The following MYT1 variants were observed in gnomAD, a reference collection of about 807,000 sequenced individuals.
MYT1 encodes myelin transcription factor 1.
Under a neutral mutation model 123.0 loss-of-function variants are expected in MYT1, and 23 were observed. The observed-to-expected ratio is 0.19, with a 90% CI of 0.13 to 0.26. MYT1 has a LOEUF of 0.26. Among genes scored for constraint, MYT1 ranks in the 10% least tolerant of loss-of-function variants. The pLI, the probability that MYT1 is intolerant of heterozygous loss-of-function variation, is 1.00. For missense variants in MYT1, 1,125 were observed against 1,472.5 expected, an observed-to-expected ratio of 0.76 and a Z score of 3.86; for synonymous variants, 518 against 575.3, an observed-to-expected ratio of 0.90 and a Z score of 1.43.
intron 7 of MYT1, among the ~76,000 whole-genome samples, chr20:64,210,189 C>G (rs888890328): frequency 1.4e-4 from 21 of 152,234 alleles, no homozygotes; most frequent in African/African-American, 5.1e-4. Flanking sequence ...AGATGCAAGG[C>G]ATCCTGCCTT....
At chr20:64,194,905 A>AT (rs1014869703) in intron 2 of MYT1, among the ~76,000 whole-genome samples, 12 of 151,662 alleles carry the variant, frequency 7.9e-5, no homozygotes, top group South Asian at 2.1e-4. Flanking sequence ...TTCATTTTTT[A>AT]TTTTTTTTGA....
chr20:64,217,900 G>C (rs1280165017), intron 11 of MYT1, among the ~76,000 whole-genome samples: 1 of 152,238 alleles, frequency 6.6e-6, no homozygotes, highest in African/African-American at 2.4e-5. Context: ...TTTCTGTCTT[G>C]TCTTGTCACT....
intron 8 of MYT1, 78 bp downstream of exon 8, chr20:64,211,418 G>C: frequency 4.8e-6 from 7 of 1,453,590 alleles, no homozygotes; most frequent in Non-Finnish European, 6.6e-6. Context: ...TGTCTATGGG[G>C]AGGCGTGGCC....
At chr20:64,177,624 C>CA (rs1982504233) in intron 1 of MYT1, among the ~76,000 whole-genome samples, 6 of 138,314 alleles carry the variant, frequency 4.3e-5, no homozygotes, top group African/African-American at 1.7e-4. Context: ...CACCCCTCTC[C>CA]GGGGGCGGGG....
rs193004319 is a variant in MYT1, at chr20:64,213,277, T to C, written c.1518-257T>C. On this transcript the variant is annotated intron_variant, in intron 9 of 22. Coordinates refer to ENST00000328439, the MANE Select transcript of MYT1 (RefSeq NM_004535.3). This position sits in a 1 kb window ranked among gnomAD's most constrained non-coding sequence, Gnocchi z 5.6. Reference sequence around the variant, plus strand: ...GCCTTTAGGATATATTTCATCTTTGTGTGTCCTTGGCATAGAATGTTCCAA... The same window carrying C: ...GCCTTTAGGATATATTTCATCTTTGCGTGTCCTTGGCATAGAATGTTCCAA... Among the ~76,000 whole-genome samples the C allele has an allele frequency of 6.6e-6, 1 of 152,316 alleles. No individual in the cohort carries two copies. Among genetic ancestry groups the C allele is most frequent in the Non-Finnish European group, 1.5e-5 (1 of 68,026 alleles).
chr20:64,218,647 G>A lies in MYT1; in HGVS notation c.1847-264G>A, dbSNP rs1256827267. 1.3e-5 allele frequency among the ~76,000 whole-genome samples: 2 copies of A among 152,200 alleles called. No homozygotes were observed. The highest frequency in any genetic ancestry group is 4.8e-5 in the African/African-American group (2 of 41,434). On this transcript the variant is annotated intron_variant, in intron 11 of 22. Coordinates refer to ENST00000328439, the MANE Select transcript of MYT1 (RefSeq NM_004535.3). This position sits in a 1 kb window ranked among gnomAD's most constrained non-coding sequence, Gnocchi z 4.0. ...TCTCCTCAGTCCCCTAGAGGAGGGT[G>A]GGTGGGAGTGAGGTGTGTGAGGACT...
chr20:64,173,410 A>G (rs1204795760), intron 1 of MYT1, among the ~76,000 whole-genome samples: 1 of 152,020 alleles, frequency 6.6e-6, no homozygotes, highest in African/African-American at 2.4e-5. Context: ...TGGTCAGGGG[A>G]GCAGGAGGGA....
At chr20:64,180,680 T>C (rs1982628250) in intron 1 of MYT1, among the ~76,000 whole-genome samples, 1 of 152,266 alleles carries the variant, frequency 6.6e-6, no homozygotes, top group Non-Finnish European at 1.5e-5. Context: ...AATGGGCTGA[T>C]TGGCCTCCCT....
At chr20:64,176,494 A>C (rs1341536075) in intron 1 of MYT1, among the ~76,000 whole-genome samples, 1 of 151,184 alleles carries the variant, frequency 6.6e-6, no homozygotes, top group South Asian at 2.1e-4. Flanking sequence ...CTCCTCTTCT[A>C]GCATCTTTCC....
At position 64,186,865 on chromosome 20, in the gene MYT1, G is replaced by T. The variant is rs1374874577; in HGVS notation, c.-98-3198G>T. On this transcript the variant is annotated intron_variant, in intron 1 of 22. Transcript: ENST00000328439. This position sits in a 1 kb window ranked among gnomAD's most constrained non-coding sequence, Gnocchi z 4.3. ...GAGTTTCCTGTAGCACGTGGCTCCG[G>T]CATCCACGTTTCCGTGGAGACTTTT... Among the ~76,000 whole-genome samples, 2 of 149,938 alleles carry T rather than the reference G, an allele frequency of 1.3e-5. No homozygotes were observed. Among genetic ancestry groups the T allele is most frequent in the Non-Finnish European group, 3.0e-5 (2 of 67,680 alleles).
rs6090080 is a variant in MYT1 at position 64,231,079 on chromosome 20, C to T, written c.2676-1085C>T. Among the ~76,000 whole-genome samples, 6,440 of 150,930 alleles carry T rather than the reference C, an allele frequency of 0.043. 500 individuals carry two copies. The highest frequency in any genetic ancestry group is 0.15 in the African/African-American group (6,015 of 40,754). ...CTACCGTCCTCCCGAGCGCTTCCTGCGCTGACAGTGACTTCCCTGTATGCC... is the reference window on the plus strand; with the variant it reads ...CTACCGTCCTCCCGAGCGCTTCCTGTGCTGACAGTGACTTCCCTGTATGCC... On this transcript the variant is annotated intron_variant, in intron 18 of 22. Transcript: ENST00000328439. This position sits in a 1 kb window ranked among gnomAD's most constrained non-coding sequence, Gnocchi z 6.4.
chr20:64,205,203 C>T (rs1420418426), intron 5 of MYT1, 106 bp downstream of exon 5: 2 of 1,359,128 alleles, frequency 1.5e-6, no homozygotes, highest in Non-Finnish European at 2.1e-6. Flanking sequence ...GCTCCCAAGG[C>T]CAGGCTGCTG....
At chr20:64,229,726 G>T (rs1984268257) in intron 18 of MYT1, among the ~76,000 whole-genome samples, 1 of 152,246 alleles carries the variant, frequency 6.6e-6, no homozygotes, top group African/African-American at 2.4e-5. Context: ...GATTTGGGGA[G>T]CCTGGTGGAA....
At position 64,191,053 on chromosome 20, in the gene MYT1, G is replaced by A. The variant is rs1195920916; in HGVS notation, c.-1+893G>A. Among the ~76,000 whole-genome samples the A allele has an allele frequency of 6.6e-6, 1 of 152,204 alleles. No homozygotes were observed. Among genetic ancestry groups the A allele is most frequent in the Non-Finnish European group, 1.5e-5 (1 of 68,030 alleles). ...GTCTCACTTCCTTGCTTTGAGGTGTGACCACGTCTGGGCTCTGTGATAGGC... is the reference window on the plus strand; with the variant it reads ...GTCTCACTTCCTTGCTTTGAGGTGTAACCACGTCTGGGCTCTGTGATAGGC... On this transcript the variant is annotated intron_variant, in intron 2 of 22. Coordinates refer to ENST00000328439, the MANE Select transcript of MYT1 (RefSeq NM_004535.3). This position sits in a 1 kb window ranked among gnomAD's most constrained non-coding sequence, Gnocchi z 4.1.
intron 1 of MYT1, among the ~76,000 whole-genome samples, chr20:64,170,634 A>C (rs971783980): frequency 6.6e-6 from 1 of 151,586 alleles, no homozygotes; most frequent in African/African-American, 2.4e-5. Flanking sequence ...ACTGCACATT[A>C]AAGAGGTACC....
chr20:64,225,964 A>T (rs1292083207), intron 16 of MYT1, among the ~76,000 whole-genome samples: 1 of 152,172 alleles, frequency 6.6e-6, no homozygotes, highest in African/African-American at 2.4e-5. Context: ...TGCCACTCAC[A>T]GTCCAATGCT....
rs1358182234 is a variant in MYT1 at position 64,189,203 on chromosome 20, A to G, written c.-98-860A>G. ...AATAGCGTGCCTTCGGCAGAATCCA[A>G]ACTCACTTCCAAGGCAAAGCCAGGG... On this transcript the variant is annotated intron_variant, in intron 1 of 22. Transcript: ENST00000328439. This position sits in a 1 kb window ranked among gnomAD's most constrained non-coding sequence, Gnocchi z 5.5. Among the ~76,000 whole-genome samples the G allele has an allele frequency of 1.3e-5, 2 of 152,206 alleles. No individual in the cohort carries two copies. The highest frequency in any genetic ancestry group is 2.4e-5 in the African/African-American group (1 of 41,452).
rs1983034816 is a variant in MYT1 at position 64,193,966 on chromosome 20, A to T, written c.-1+3806A>T. On this transcript the variant is annotated intron_variant, in intron 2 of 22. Coordinates refer to ENST00000328439, the MANE Select transcript of MYT1 (RefSeq NM_004535.3). This position sits in a 1 kb window ranked among gnomAD's most constrained non-coding sequence, Gnocchi z 4.0. ...GGTGAATGGCCCCCGTGGTGTCAGA[A>T]TGCCCGGAACCCCCCAGCTCAGCGT... Among the ~76,000 whole-genome samples, 1 of 152,116 alleles carries T rather than the reference A, an allele frequency of 6.6e-6. No individual in the cohort carries two copies. Among genetic ancestry groups the T allele is most frequent in the East Asian group, 1.9e-4 (1 of 5,188 alleles).
In MYT1 at chr20:64,164,559, A is replaced by G. The variant is rs1982027314; in HGVS notation, c.-279A>G. On this transcript the variant is annotated 5_prime_UTR_variant, in exon 1 of 23. Coordinates refer to ENST00000328439, the MANE Select transcript of MYT1 (RefSeq NM_004535.3). Reference sequence around the variant, plus strand: ...CTTTAGCTGGCTTAGGAGTTCGCACACTAAGGGGAGAAGATATTTAATTGA... The same window carrying G: ...CTTTAGCTGGCTTAGGAGTTCGCACGCTAAGGGGAGAAGATATTTAATTGA... 1 of 152,164 alleles carries G rather than the reference A, an allele frequency of 6.6e-6. No individual in the cohort carries two copies. Among genetic ancestry groups the G allele is most frequent in the South Asian group, 2.1e-4 (1 of 4,830 alleles). 9.4% of individuals were successfully genotyped at this position (152,164 alleles called of 1,614,324 possible).
Sources: allele counts gnomAD v4.1 joint callset (sites outside exome capture counted in the v4.1 genomes callset), GRCh38; gene constraint gnomAD v4.1.1; non-coding constraint Gnocchi (gnomAD v3.1); transcripts MANE v1.5; gene names NCBI Gene and HGNC (gene_info 2026-07-23, HGNC 2026-07-21).